FBLN2: variants seen among roughly 807,000 people sequenced by gnomAD.
FBLN2 encodes the protein fibulin-2.
Under a neutral mutation model 123.7 loss-of-function variants are expected in FBLN2, and 81 were observed. The observed-to-expected ratio is 0.65, with a 90% CI of 0.55 to 0.79. The LOEUF (loss-of-function observed/expected upper bound fraction) is 0.79, where lower values mean the gene tolerates loss of function less well. FBLN2 is among the 30% of genes least tolerant of loss of function. The pLI is 0.00. For synonymous variants in FBLN2, 699 were observed against 701.4 expected (o/e 1.00, Z 0.05); for missense variants, 1,603 against 1,681.3 (o/e 0.95, Z 0.81).
At chr3:13,571,759 C>T in intron 2 of FBLN2, 98 bp downstream of exon 2, 1 of 1,376,918 alleles carries the variant, frequency 7.3e-7, no homozygotes. Flanking sequence ...GCTGGGGATG[C>T]TGGACTGTGG....
At position 13,609,611 on chromosome 3, in the gene FBLN2, A is replaced by G. The variant is rs1456778365; in HGVS notation, c.1517A>G (p.Asp506Gly). ...AKEGETCGAE[D>G]NDSCGISLYK... Reference sequence around the variant, plus strand: ...GAGGGTGAGACCTGTGGGGCTGAGGACAACGACAGCTGCGGCATCTCCCTG... The same window carrying G: ...GAGGGTGAGACCTGTGGGGCTGAGGGCAACGACAGCTGCGGCATCTCCCTG... The change falls in exon 4 of 18, where the codon GAC (aspartate) becomes GGC (glycine). Residue 506 changes from aspartate (D) to glycine (G), a missense_variant. Transcript: ENST00000404922. 2 of 1,534,950 alleles carry G rather than the reference A, an allele frequency of 1.3e-6. No homozygotes were observed. Among genetic ancestry groups the G allele is most frequent in the Non-Finnish European group, 1.8e-6 (2 of 1,136,734 alleles).
Position 13,569,663 on chromosome 3 carries a change from C to A in FBLN2, c.-41-652C>A, listed in dbSNP as rs140554737. ...GGGCTAAGCCTGCAGTCCCGAGGGT[C>A]TCAGAGGTGTGTTCCTGAGTCCTAG... On this transcript the variant is annotated intron_variant, in intron 1 of 17. Transcript: ENST00000404922. Among the ~76,000 whole-genome samples, 403 of 152,092 alleles carry A rather than the reference C, an allele frequency of 2.6e-3. 1 individual carries two copies. The highest frequency in any genetic ancestry group is 0.01 in the Middle Eastern group (3 of 294).
chr3:13,631,345 T>A lies in FBLN2; in HGVS notation c.3102T>A (p.Ala1034=), dbSNP rs1038915269. The change falls in exon 16 of 18, where the codon GCT becomes GCA. Residue 1034 remains alanine, a synonymous_variant. Coordinates refer to ENST00000404922, the MANE Select transcript of FBLN2 (RefSeq NM_001004019.2). ...GHTCTDIDEC[A]QGAGILCTFR... ...CTCTGACAGACATCGACGAGTGTGC[T>A]CAAGGCGCCGGCATCCTCTGCACCT... 1.1e-5 allele frequency: 18 copies of A among 1,603,044 alleles called. No individual in the cohort carries two copies. Among genetic ancestry groups the A allele is most frequent in the Non-Finnish European group, 1.5e-5 (18 of 1,175,384 alleles).
chr3:13,568,547 G>A (rs1703817646), intron 1 of FBLN2, among the ~76,000 whole-genome samples: 1 of 152,176 alleles, frequency 6.6e-6, no homozygotes. Flanking sequence ...CCGTTGCTCT[G>A]CAGTTACCAC....
chr3:13,596,187 G>C (rs557851001), intron 2 of FBLN2, among the ~76,000 whole-genome samples: 1 of 152,294 alleles, frequency 6.6e-6, no homozygotes, highest in Non-Finnish European at 1.5e-5. Flanking sequence ...CTCCAGGCTG[G>C]AGGGCAGTGG....
At chr3:13,630,521 C>T (rs1336083774) in intron 14 of FBLN2, among the ~76,000 whole-genome samples, 178 bp from the exon 15 acceptor site, 2 of 152,338 alleles carry the variant, frequency 1.3e-5, no homozygotes, top group Non-Finnish European at 1.5e-5. Flanking sequence ...GGCTGAGACC[C>T]CTGGGAGGCC....
intron 1 of FBLN2, 72 bp from the exon 2 acceptor site, chr3:13,570,243 G>C (rs562404768): frequency 7.0e-7 from 1 of 1,422,802 alleles, no homozygotes; most frequent in Non-Finnish European, 9.2e-7. Context: ...CCCTGCCCGC[G>C]TGCGTGCCGG....
chr3:13,553,972 A>C (rs936660499), intron 1 of FBLN2, among the ~76,000 whole-genome samples: 1 of 152,204 alleles, frequency 6.6e-6, no homozygotes, highest in African/African-American at 2.4e-5. Context: ...AGGGCTCTGA[A>C]GTGTGATGAG....
intron 2 of FBLN2, among the ~76,000 whole-genome samples, chr3:13,576,194 G>A (rs1456704100): frequency 6.6e-6 from 1 of 152,212 alleles, no homozygotes; most frequent in Non-Finnish European, 1.5e-5. Flanking sequence ...TGGGAAAACA[G>A]GATCCAAGCT....
At chr3:13,573,617 G>C (rs925934486) in intron 2 of FBLN2, among the ~76,000 whole-genome samples, 7 of 152,162 alleles carry the variant, frequency 4.6e-5, no homozygotes, top group Non-Finnish European at 8.8e-5. Context: ...CACTGTCAGA[G>C]GGTGGGCCGG....
chr3:13,582,694 G>T (rs750706483), intron 2 of FBLN2, among the ~76,000 whole-genome samples: 3 of 152,208 alleles, frequency 2.0e-5, no homozygotes, highest in Non-Finnish European at 4.4e-5. Flanking sequence ...TTCTGCATCT[G>T]TACAATGGGG....
intron 2 of FBLN2, among the ~76,000 whole-genome samples, chr3:13,600,616 CTTTT>C (rs35007080): frequency 7.3e-6 from 1 of 137,782 alleles, no homozygotes; most frequent in Non-Finnish European, 1.5e-5. Context: ...ATTTTGTACA[CTTTT>C]TTTTTTTTTT....
intron 1 of FBLN2, among the ~76,000 whole-genome samples, chr3:13,558,839 A>G (rs1703535089): frequency 7.3e-6 from 1 of 136,082 alleles, no homozygotes; most frequent in South Asian, 2.7e-4. Flanking sequence ...CCATCTACCT[A>G]CTTATCCCAC....
intron 9 of FBLN2, among the ~76,000 whole-genome samples, chr3:13,626,010 A>G (rs1039170156): frequency 6.6e-6 from 1 of 151,666 alleles, no homozygotes; most frequent in African/African-American, 2.4e-5. Flanking sequence ...CTTTGCTCAG[A>G]TGTCTTCTTT....
intron 1 of FBLN2, among the ~76,000 whole-genome samples, chr3:13,564,311 C>T (rs1278613032): frequency 2.0e-5 from 3 of 152,156 alleles, no homozygotes; most frequent in Non-Finnish European, 4.4e-5. Context: ...GTTTATTTCC[C>T]TGCTGCCATC....
intron 9 of FBLN2, among the ~76,000 whole-genome samples, chr3:13,624,074 C>T (rs1268761227): frequency 1.3e-5 from 2 of 152,136 alleles, no homozygotes; most frequent in Non-Finnish European, 2.9e-5. Flanking sequence ...GTCCAGGCTG[C>T]AAGATGTGAG....
intron 2 of FBLN2, among the ~76,000 whole-genome samples, chr3:13,598,886 G>T (rs1453989748): frequency 6.6e-6 from 1 of 152,206 alleles, no homozygotes; most frequent in Non-Finnish European, 1.5e-5. Flanking sequence ...CCTGCTGGAC[G>T]CACAGACAGG....
intron 9 of FBLN2, among the ~76,000 whole-genome samples, chr3:13,624,917 G>A (rs1415925488): frequency 1.3e-5 from 2 of 152,258 alleles, no homozygotes; most frequent in Admixed American, 6.5e-5. Flanking sequence ...GCCTTGGGGC[G>A]GTTTCTGAGT....
At chr3:13,552,378 G>A (rs1703346651) in intron 1 of FBLN2, among the ~76,000 whole-genome samples, 1 of 152,158 alleles carries the variant, frequency 6.6e-6, no homozygotes. Context: ...TGAAAGGGGA[G>A]GCCAGGGTGA....
Sources: allele counts gnomAD v4.1 joint callset (sites outside exome capture counted in the v4.1 genomes callset), GRCh38; gene constraint gnomAD v4.1.1; transcripts MANE v1.5; gene names NCBI Gene and HGNC (gene_info 2026-07-23, HGNC 2026-07-21).